The following THSD7B variants were observed in gnomAD, a reference collection of about 807,000 sequenced individuals.
THSD7B encodes thrombospondin type-1 domain-containing protein 7B.
In THSD7B, 138 loss-of-function variants were observed where a neutral mutation model predicts 213.6. The observed-to-expected ratio is 0.65, with a 90% CI of 0.56 to 0.74. THSD7B has a LOEUF of 0.74. Ranked by LOEUF, THSD7B falls within the 30% of genes least tolerant of loss-of-function variation. The pLI is 0.00. For missense variants in THSD7B, 1,931 were observed against 1,991.5 expected (o/e 0.97, Z 0.58); for synonymous variants, 742 against 687.0 (o/e 1.08, Z -1.25).
chr2:137,637,394 G>A (rs1682853459), intron 20 of THSD7B, among the ~76,000 whole-genome samples: 1 of 152,134 alleles, frequency 6.6e-6, no homozygotes, highest in Non-Finnish European at 1.5e-5. Context: ...CCCAACAGAA[G>A]CATCAGGTCC....
rs376129975 is a variant in THSD7B at position 137,335,874 on chromosome 2, C to CT, written c.2500+59857dup. ...TATCAAGTTTGAAATGTTTGCTTTT[C>CT]TTTTTTTTTCTTTTTTAGTTTATAG... is the stretch of plus-strand genomic sequence containing the variant. On this transcript the variant is annotated intron_variant, in intron 12 of 27. Coordinates refer to ENST00000409968, the MANE Select transcript of THSD7B (RefSeq NM_001316349.2). 2.6e-3 allele frequency among the ~76,000 whole-genome samples: 395 copies of CT among 150,998 alleles called. 1 individual carries two copies. Among genetic ancestry groups the CT allele is most frequent in the African/African-American group, 8.8e-3 (362 of 41,184 alleles).
intron 12 of THSD7B, among the ~76,000 whole-genome samples, chr2:137,393,381 A>G (rs963172513): frequency 5.3e-5 from 8 of 151,172 alleles, no homozygotes; most frequent in African/African-American, 1.7e-4. Flanking sequence ...TCATTGTTCA[A>G]TTCCCACCTA....
intron 12 of THSD7B, among the ~76,000 whole-genome samples, chr2:137,276,323 A>C (rs1457554943): frequency 1.3e-5 from 2 of 151,970 alleles, no homozygotes; most frequent in African/African-American, 4.8e-5. Context: ...ATTACCTAAT[A>C]TCTGTGAATG....
intron 1 of THSD7B, among the ~76,000 whole-genome samples, chr2:136,865,203 GC>G (rs1375892134): frequency 6.6e-6 from 1 of 152,190 alleles, no homozygotes; most frequent in African/African-American, 2.4e-5. Flanking sequence ...AGAGAAAGGG[GC>G]CATTTTGGCT....
intron 4 of THSD7B, among the ~76,000 whole-genome samples, chr2:137,100,782 G>A (rs1171043224): frequency 6.6e-6 from 1 of 152,072 alleles, no homozygotes; most frequent in African/African-American, 2.4e-5. Flanking sequence ...ATAAAGAACA[G>A]CTGAAATTGG....
intron 14 of THSD7B, among the ~76,000 whole-genome samples, chr2:137,443,948 C>T (rs1363860193): frequency 6.6e-6 from 1 of 151,904 alleles, no homozygotes; most frequent in Non-Finnish European, 1.5e-5. Flanking sequence ...TATTGTGGAT[C>T]TAAATGAGAT....
At chr2:137,144,984 A>G (rs574406401) in intron 5 of THSD7B, among the ~76,000 whole-genome samples, 1 of 152,146 alleles carries the variant, frequency 6.6e-6, no homozygotes, top group South Asian at 2.1e-4. Flanking sequence ...GTAGGATATT[A>G]TTATAAGATA....
intron 17 of THSD7B, among the ~76,000 whole-genome samples, chr2:137,576,649 T>A (rs1681466140): frequency 6.6e-6 from 1 of 152,118 alleles, no homozygotes; most frequent in African/African-American, 2.4e-5. Flanking sequence ...TGTAACTCTT[T>A]ATGTGTGCAG....
intron 4 of THSD7B, among the ~76,000 whole-genome samples, chr2:137,106,360 T>A (rs961370289): frequency 1.4e-4 from 21 of 152,194 alleles, no homozygotes; most frequent in Non-Finnish European, 1.8e-4. Flanking sequence ...AAACTGAAAC[T>A]GGACCCCTTC....
intron 2 of THSD7B, among the ~76,000 whole-genome samples, chr2:136,968,835 C>T (rs1685361339): frequency 6.6e-6 from 1 of 152,112 alleles, no homozygotes; most frequent in South Asian, 2.1e-4. Context: ...CCTCTCCCAT[C>T]TGTCTAACAC....
chr2:137,086,210 G>A (rs2217575), intron 3 of THSD7B, among the ~76,000 whole-genome samples: 4,031 of 152,024 alleles, frequency 0.027, 195 homozygotes, highest in African/African-American at 0.091. Flanking sequence ...GATGGTGCAC[G>A]CCTGTAATCC....
intron 7 of THSD7B, among the ~76,000 whole-genome samples, chr2:137,197,673 T>C (rs959954105): frequency 6.6e-6 from 1 of 152,154 alleles, no homozygotes; most frequent in Admixed American, 6.5e-5. Flanking sequence ...GAAATGCTGT[T>C]GTCAGAGAGG....
chr2:137,147,467 T>TA (rs70975801), intron 5 of THSD7B, among the ~76,000 whole-genome samples: 20,845 of 144,948 alleles, frequency 0.14, 1,493 homozygotes, highest in Middle Eastern at 0.18. Flanking sequence ...CTCCTTCCTT[T>TA]AAAAAAAAAA....
chr2:136,942,367 T>C (rs1684843470), intron 2 of THSD7B, among the ~76,000 whole-genome samples: 1 of 152,176 alleles, frequency 6.6e-6, no homozygotes, highest in Non-Finnish European at 1.5e-5. Context: ...AAAGCAGTTT[T>C]TTTTTCCAAT....
chr2:137,505,903 G>A (rs1005833578), intron 15 of THSD7B, among the ~76,000 whole-genome samples: 2 of 152,182 alleles, frequency 1.3e-5, no homozygotes, highest in Non-Finnish European at 2.9e-5. Flanking sequence ...CTTAAGATTG[G>A]CTAGTTATAA....
intron 1 of THSD7B, among the ~76,000 whole-genome samples, chr2:136,789,177 T>A (rs1051483893): frequency 9.9e-5 from 15 of 152,098 alleles, no homozygotes; most frequent in African/African-American, 3.6e-4. Flanking sequence ...TTGGTTTTTT[T>A]AAGTTTTTAT....
At position 136,819,344 on chromosome 2, in the gene THSD7B, C is replaced by T. The variant is rs368265942; in HGVS notation, c.-36+53657C>T. Among the ~76,000 whole-genome samples the T allele has an allele frequency of 1.6e-4, 24 of 152,244 alleles. No homozygotes were observed. The East Asian group carries it at 2.1e-3, about 13-fold the overall frequency. On this transcript the variant is annotated intron_variant, in intron 1 of 27. Transcript: ENST00000409968. ...ACAATTAGGACCTTTGGAGAATTGT[C>T]CCCCATCCCCTACTCCCTCTATTAG...
chr2:137,430,091 A>G (rs1029371442), intron 14 of THSD7B, among the ~76,000 whole-genome samples: 13 of 151,950 alleles, frequency 8.6e-5, no homozygotes, highest in Admixed American at 1.3e-4. Context: ...AAAATTTTAA[A>G]AAGAAGTTAG....
intron 16 of THSD7B, among the ~76,000 whole-genome samples, chr2:137,565,788 T>C (rs1681225712): frequency 1.3e-5 from 2 of 152,100 alleles, no homozygotes; most frequent in South Asian, 4.1e-4. Flanking sequence ...TCTTTTTCTG[T>C]TCTTATAAAG....
Sources: gnomAD v4.1 joint callset for allele counts (sites outside exome capture counted in the v4.1 genomes callset) on GRCh38, gnomAD v4.1.1 for gene constraint, MANE v1.5 for transcripts, NCBI Gene and HGNC (gene_info 2026-07-23, HGNC 2026-07-21) for gene names.